The following KDM5B variants were observed in gnomAD, a reference collection of about 807,000 sequenced individuals.
The protein encoded by KDM5B is lysine demethylase 5B.
Under a neutral mutation model 193.4 loss-of-function variants are expected in KDM5B, and 144 were observed. The ratio of observed to expected loss-of-function variants is 0.74; its 90% CI spans 0.65 to 0.86. The LOEUF is 0.86. Among genes scored for constraint, KDM5B ranks in the 40% least tolerant of loss-of-function variants. The pLI is 0.00. For synonymous variants in KDM5B, 668 were observed against 682.6 expected (o/e 0.98, Z 0.33); for missense variants, 1,833 against 1,886.9 (o/e 0.97, Z 0.53).
At chr1:202,780,203 TG>T (rs1436289322) in intron 1 of KDM5B, among the ~76,000 whole-genome samples, 1 of 152,040 alleles carries the variant, frequency 6.6e-6, no homozygotes, top group African/African-American at 2.4e-5. Context: ...TTTTTTGAGA[TG>T]GAGTCTCATG....
At chr1:202,798,845 A>G (rs1003698513) in intron 1 of KDM5B, among the ~76,000 whole-genome samples, 1 of 152,064 alleles carries the variant, frequency 6.6e-6, no homozygotes, top group Admixed American at 6.6e-5. Context: ...ACACAGCAAG[A>G]CCCTGTCCCT....
intron 1 of KDM5B, among the ~76,000 whole-genome samples, chr1:202,786,773 G>T (rs748588908): frequency 6.6e-6 from 1 of 152,184 alleles, no homozygotes; most frequent in Non-Finnish European, 1.5e-5. Flanking sequence ...TTGGCCGGGC[G>T]TGGTGGCTCA....
At chr1:202,800,255 G>A (rs538082264) in intron 1 of KDM5B, among the ~76,000 whole-genome samples, 1 of 152,178 alleles carries the variant, frequency 6.6e-6, no homozygotes, top group African/African-American at 2.4e-5. Flanking sequence ...TGTTGGCCAG[G>A]ATGGTCTCAA....
Position 202,731,948 on chromosome 1 carries a change from G to C in KDM5B, c.3910-9C>G. 1 of 1,569,576 alleles carries C rather than the reference G, an allele frequency of 6.4e-7. No homozygotes were observed. Among genetic ancestry groups the C allele is most frequent in the Admixed American group, 1.7e-5 (1 of 58,426 alleles). On this transcript the variant is annotated splice_polypyrimidine_tract_variant and intron_variant, in intron 23 of 26. Coordinates refer to ENST00000367265, the MANE Select transcript of KDM5B (RefSeq NM_006618.5). ...CCAGGAGGTTGAGATACCTAATGGAGGGAAAACGTTTTATAATAAAATCTC... is the reference window on the plus strand; with the variant it reads ...CCAGGAGGTTGAGATACCTAATGGACGGAAAACGTTTTATAATAAAATCTC...
At chr1:202,785,849 C>T (rs551575241) in intron 1 of KDM5B, among the ~76,000 whole-genome samples, 61 of 149,824 alleles carry the variant, frequency 4.1e-4, no homozygotes, top group African/African-American at 1.3e-3. Flanking sequence ...GCAGATGATG[C>T]GGTGAGCAGA....
At chr1:202,769,272 G>A (rs537242059) in intron 4 of KDM5B, among the ~76,000 whole-genome samples, 2 of 148,362 alleles carry the variant, frequency 1.3e-5, no homozygotes, top group East Asian at 2.1e-4. Context: ...TCCTGACCTC[G>A]TGATCCACCT....
At chr1:202,736,135 T>C (rs988832960) in intron 21 of KDM5B, 78 bp downstream of exon 21, 54 of 1,031,980 alleles carry the variant, frequency 5.2e-5, no homozygotes, top group Middle Eastern at 3.4e-4. Flanking sequence ...TGTGATGTCA[T>C]CTTTGTATGT....
At chr1:202,736,189 C>G (rs1436660790) in intron 21 of KDM5B, 24 bp downstream of exon 21, 1 of 1,498,156 alleles carries the variant, frequency 6.7e-7, no homozygotes. Context: ...TAAGGTCTTG[C>G]AGATGAGCTG....
rs987189300 is a variant in KDM5B, at chr1:202,726,177, A to G, written c.*2859T>C. 3 of 152,240 alleles carry G rather than the reference A, an allele frequency of 2.0e-5. No individual in the cohort carries two copies. The highest frequency in any genetic ancestry group is 4.4e-5 in the Non-Finnish European group (3 of 68,036). 9.4% of individuals were successfully genotyped at this position (152,240 alleles called of 1,614,324 possible). A position where few individuals can be genotyped will look rare whatever the true frequency, so the allele number is the denominator to read the frequency against. ...CAGGTGCATTTCAGACACTTCTGCC[A>G]AAATATCCAAAGCCTCATTTTCTTA... is the stretch of plus-strand genomic sequence containing the variant. On this transcript the variant is annotated 3_prime_UTR_variant, in exon 27 of 27. Coordinates refer to ENST00000367265, the MANE Select transcript of KDM5B (RefSeq NM_006618.5).
chr1:202,776,564 T>C (rs553370925), intron 2 of KDM5B, among the ~76,000 whole-genome samples: 3 of 152,066 alleles, frequency 2.0e-5, no homozygotes, highest in South Asian at 2.1e-4. Flanking sequence ...TAAATATATA[T>C]ATATATAAAA....
At chr1:202,767,230 T>C in intron 4 of KDM5B, 170 bp from the exon 5 acceptor site, 4 of 1,580,054 alleles carry the variant, frequency 2.5e-6, no homozygotes, top group Non-Finnish European at 2.6e-6. Flanking sequence ...GAAACACCCT[T>C]ATGTTTTAAG....
At chr1:202,769,668 CAAAAAAAAA>C (rs71142553) in intron 4 of KDM5B, among the ~76,000 whole-genome samples, 66 of 55,918 alleles carry the variant, frequency 1.2e-3, no homozygotes, top group African/African-American at 4.1e-3. Flanking sequence ...GACTCTGTCT[CAAAAAAAAA>C]AAAAAAAAAA....
intron 1 of KDM5B, among the ~76,000 whole-genome samples, chr1:202,795,722 A>G (rs1657817960): frequency 6.6e-6 from 1 of 152,114 alleles, no homozygotes; most frequent in Non-Finnish European, 1.5e-5. Context: ...GTCCAATAAC[A>G]GAAGATATAT....
rs752086253 is a variant in KDM5B, at chr1:202,742,511, A to G, written c.2475-6T>C. 1 of 1,613,032 alleles carries G rather than the reference A, an allele frequency of 6.2e-7. No homozygotes were observed. ...TCCCTCCACCAGATCGATATCTGTA[A>G]AGACAAAGGCCCAAGGAAGCCATAT... On this transcript the variant is annotated splice_region_variant and splice_polypyrimidine_tract_variant and intron_variant, in intron 17 of 26. Coordinates refer to ENST00000367265, the MANE Select transcript of KDM5B (RefSeq NM_006618.5).
chr1:202,733,399 AC>A lies in KDM5B; in HGVS notation c.3909+1del. 6.2e-7 allele frequency: 1 copy of A among 1,609,084 alleles called. No individual in the cohort carries two copies. The highest frequency in any genetic ancestry group is 8.5e-7 in the Non-Finnish European group (1 of 1,175,994). ...AACCCAACAAGGAAAGTCCAGATTCACCTTGTTTGTGTCTGACACCTGTCCT... is the reference window on the plus strand; with the variant it reads ...AACCCAACAAGGAAAGTCCAGATTCACTTGTTTGTGTCTGACACCTGTCCT... On this transcript the variant is annotated splice_donor_variant, in intron 23 of 26. Transcript: ENST00000367265. LOFTEE classifies it high-confidence loss of function.
rs1252855022 is a variant in KDM5B at position 202,726,534 on chromosome 1, A to T, written c.*2502T>A. 1 of 151,924 alleles carries T rather than the reference A, an allele frequency of 6.6e-6. No individual in the cohort carries two copies. Among genetic ancestry groups the T allele is most frequent in the Admixed American group, 6.6e-5 (1 of 15,254 alleles). The allele number at this position is 151,924 out of a possible 1,614,324, so 9.4% of individuals were successfully genotyped here. A position where few individuals can be genotyped will look rare whatever the true frequency, so the allele number is the denominator to read the frequency against. On this transcript the variant is annotated 3_prime_UTR_variant, in exon 27 of 27. Transcript: ENST00000367265. ...CTACCCTTTCTTTCTTTACCCACTG[A>T]CCCTCCTTCTGGTTCAGGCTCTAAC...
At chr1:202,803,519 T>A (rs1412451849) in intron 1 of KDM5B, among the ~76,000 whole-genome samples, 1 of 152,130 alleles carries the variant, frequency 6.6e-6, no homozygotes, top group African/African-American at 2.4e-5. Flanking sequence ...AAGTTTGTTT[T>A]AGCTTTAAGG....
chr1:202,747,417 G>A (rs1177389313), intron 14 of KDM5B, among the ~76,000 whole-genome samples: 1 of 152,074 alleles, frequency 6.6e-6, no homozygotes, highest in Non-Finnish European at 1.5e-5. Context: ...CATTTTTGAT[G>A]TAAGACTTTG....
At chr1:202,786,246 G>A (rs1275540869) in intron 1 of KDM5B, among the ~76,000 whole-genome samples, 1 of 151,000 alleles carries the variant, frequency 6.6e-6, no homozygotes, top group Non-Finnish European at 1.5e-5. Context: ...CTGGCCTCAA[G>A]CAATCCTTCC....
Sources: gnomAD v4.1 joint callset for allele counts (sites outside exome capture counted in the v4.1 genomes callset) on GRCh38, gnomAD v4.1.1 for gene constraint, MANE v1.5 for transcripts, NCBI Gene and HGNC (gene_info 2026-07-23, HGNC 2026-07-21) for gene names.